Variants in PLB1 observed in about 807,000 individuals in gnomAD.
The protein encoded by PLB1 is phospholipase B1, membrane-associated.
A neutral mutation model predicts 227.4 loss-of-function variants in PLB1; 242 were observed. That is an observed-to-expected ratio of 1.06 (90% CI 0.96 to 1.18). The LOEUF is 1.18. PLB1 is among the 50% of genes most tolerant of loss of function. PLB1 has a pLI of 0.00. For synonymous variants in PLB1, 757 were observed against 682.2 expected, an observed-to-expected ratio of 1.11 and a Z score of -1.71; for missense variants, 1,858 against 1,816.3, an observed-to-expected ratio of 1.02 and a Z score of -0.42.
At chr2:28,578,265 C>A in intron 22 of PLB1, 107 bp downstream of exon 22, 2 of 1,022,950 alleles carry the variant, frequency 2.0e-6, no homozygotes, top group Non-Finnish European at 3.0e-6. Context: ...CTAGCAGACA[C>A]ATCTGAAGCC....
intron 56 of PLB1, among the ~76,000 whole-genome samples, chr2:28,639,752 G>A (rs936737970): frequency 6.6e-6 from 1 of 152,206 alleles, no homozygotes; most frequent in Non-Finnish European, 1.5e-5. Context: ...CGATAGACTT[G>A]AGTTTCCTCA....
chr2:28,529,671 A>T, intron 7 of PLB1, 57 bp from the exon 8 acceptor site: 1 of 1,542,532 alleles, frequency 6.5e-7, no homozygotes, highest in Non-Finnish European at 9.0e-7. Flanking sequence ...GCAAGCTTCC[A>T]GCCCTTAACA....
chr2:28,641,086 C>A, intron 57 of PLB1, 85 bp downstream of exon 57: 1 of 1,274,328 alleles, frequency 7.8e-7, no homozygotes, highest in South Asian at 1.4e-5. Context: ...GAGGAGTCCC[C>A]GGGGATGCTC....
At position 28,622,411 on chromosome 2, in the gene PLB1, G is replaced by A. The variant is rs532853258; in HGVS notation, c.3527+1433G>A. On this transcript the variant is annotated intron_variant, in intron 49 of 57. Transcript: ENST00000327757. ...AAGGATTAAATGAGATAAATAATCC[G>A]TGAAAAGAATGTAGTACCACACATA... Among the ~76,000 whole-genome samples, 31 of 152,286 alleles carry A rather than the reference G, an allele frequency of 2.0e-4. 1 individual carries two copies. The South Asian group carries it at 3.1e-3, about 15-fold the overall frequency.
chr2:28,584,644 C>A (rs912514782), intron 25 of PLB1, among the ~76,000 whole-genome samples: 3 of 152,200 alleles, frequency 2.0e-5, no homozygotes, highest in Non-Finnish European at 4.4e-5. Flanking sequence ...AGACTCAGGT[C>A]ACCTTCTCCT....
chr2:28,509,983 T>C (rs1668052447), intron 1 of PLB1, among the ~76,000 whole-genome samples: 2 of 152,176 alleles, frequency 1.3e-5, no homozygotes, highest in South Asian at 4.1e-4. Context: ...ACGCTTAACA[T>C]TTAGATCCCA....
At chr2:28,509,205 G>A (rs989332235) in intron 1 of PLB1, among the ~76,000 whole-genome samples, 1 of 152,172 alleles carries the variant, frequency 6.6e-6, no homozygotes, top group Non-Finnish European at 1.5e-5. Flanking sequence ...CGAACATCAA[G>A]GAAATCCATA....
At chr2:28,540,248 A>G (rs1310440575) in intron 11 of PLB1, 118 bp from the exon 12 acceptor site, 8 of 775,708 alleles carry the variant, frequency 1.0e-5, no homozygotes, top group Non-Finnish European at 1.8e-5. Flanking sequence ...ATGCTTCTTC[A>G]TCCCTACTCC....
intron 33 of PLB1, chr2:28,595,404 G>A (rs1682742580): frequency 6.6e-6 from 1 of 152,146 alleles, no homozygotes; most frequent in African/African-American, 2.4e-5. Context: ...ATAGACTACT[G>A]TGTCTCAAAG....
chr2:28,589,855 C>CGT (rs1681579140), intron 28 of PLB1, 85 bp downstream of exon 28: 6 of 1,413,566 alleles, frequency 4.2e-6, no homozygotes, highest in Non-Finnish European at 6.0e-6. Flanking sequence ...GGAGGCCCAT[C>CGT]GTGCAGGCCA....
rs1690225991 is a variant in PLB1 at position 28,643,985 on chromosome 2, C to T, written c.*924C>T. Among the ~76,000 whole-genome samples the T allele has an allele frequency of 6.6e-6, 1 of 152,152 alleles. No individual in the cohort carries two copies. Among genetic ancestry groups the T allele is most frequent in the African/African-American group, 2.4e-5 (1 of 41,438 alleles). On this transcript the variant is annotated 3_prime_UTR_variant, in exon 58 of 58. Coordinates refer to ENST00000327757, the MANE Select transcript of PLB1 (RefSeq NM_153021.5). Reference sequence around the variant, plus strand: ...GGTCTCTTTTATGCTGCACAAAAGCCCAGGGAGGGGGTAAAGGGAAAATCT... The same window carrying T: ...GGTCTCTTTTATGCTGCACAAAAGCTCAGGGAGGGGGTAAAGGGAAAATCT...
chr2:28,582,172 C>T, intron 24 of PLB1, 39 bp downstream of exon 24: 2 of 1,591,028 alleles, frequency 1.3e-6, no homozygotes, highest in Non-Finnish European at 8.6e-7. Context: ...TCTTAGACCT[C>T]AGACCTAGCC....
In PLB1 at chr2:28,604,668, A is replaced by C; in HGVS notation, c.2870A>C (p.Glu957Ala). ...FSRAYRSSMR[E>A]LVGSGRYDTQ... ...ATGTGTCCCCAGAGCAGCATGCGCG[A>C]GCTGGTGGGGTCAGGCCGCTATGAC... The change falls in exon 41 of 58, where the codon GAG becomes GCG. Residue 957 changes from glutamate (E) to alanine (A), a missense_variant. Glu to Ala is a moderately radical substitution (Grantham distance 107). Coordinates refer to ENST00000327757, the MANE Select transcript of PLB1 (RefSeq NM_153021.5). The C allele has an allele frequency of 1.2e-6, 2 of 1,613,956 alleles. No individual in the cohort carries two copies. Among genetic ancestry groups the C allele is most frequent in the Non-Finnish European group, 1.7e-6 (2 of 1,179,934 alleles).
chr2:28,630,468 C>G, intron 53 of PLB1, 118 bp from the exon 54 acceptor site: 1 of 759,490 alleles, frequency 1.3e-6, no homozygotes, highest in Non-Finnish European at 2.1e-6. Flanking sequence ...CTAGGTAAGG[C>G]AGCACAGGCT....
chr2:28,548,407 G>A (rs1319959257), intron 14 of PLB1: 1 of 326,120 alleles, frequency 3.1e-6, no homozygotes, highest in Admixed American at 3.6e-5. Context: ...GGGACAAGAA[G>A]CCAAGCTGGA....
rs1257329923 is a variant in PLB1 at position 28,525,293 on chromosome 2, G to A, written c.270G>A (p.Leu90=). The change falls in exon 5 of 58, where the codon CTG becomes CTA. Residue 90 remains leucine (L), a synonymous_variant. Transcript: ENST00000327757. ...EIPPDPGTGD[L]EKQDWTERPQ... ...CTCCAGACCCAGGGACGGGCGATCTGGAGAAGCAAGACTGGTAACTATCCT... is the reference window on the plus strand; with the variant it reads ...CTCCAGACCCAGGGACGGGCGATCTAGAGAAGCAAGACTGGTAACTATCCT... The A allele has an allele frequency of 1.9e-6, 3 of 1,613,580 alleles. No individual in the cohort carries two copies. Among genetic ancestry groups the A allele is most frequent in the Non-Finnish European group, 2.5e-6 (3 of 1,179,958 alleles).
chr2:28,538,229 T>C (rs543611323), intron 9 of PLB1, 90 bp from the exon 10 acceptor site: 1 of 1,526,596 alleles, frequency 6.6e-7, no homozygotes, highest in African/African-American at 1.4e-5. Context: ...TGGTCTTGCC[T>C]GGCAGGGATG....
chr2:28,585,297 A>G (rs1485829802), intron 25 of PLB1, among the ~76,000 whole-genome samples: 4 of 150,862 alleles, frequency 2.7e-5, no homozygotes, highest in Non-Finnish European at 5.9e-5. Flanking sequence ...TTCTTTTGAG[A>G]CAGAGTCTCG....
In PLB1 at chr2:28,582,095, G is replaced by A; in HGVS notation, c.1594G>A (p.Asp532Asn). 6.2e-7 allele frequency: 1 copy of A among 1,614,046 alleles called. No individual in the cohort carries two copies. The highest frequency in any genetic ancestry group is 8.5e-7 in the Non-Finnish European group (1 of 1,179,934). ...LVHYSPQNFT[D>N]NIGKALDILH... ...CCACTATTCTCCCCAGAACTTCACA[G>A]ACAACATTGGAAAGGCCCTGGACAT... Residue 532 changes from aspartate to asparagine, a missense_variant, in exon 24 of 58, where the codon GAC becomes AAC. By Grantham distance (23) the Asp-to-Asn change is conservative. Coordinates refer to ENST00000327757, the MANE Select transcript of PLB1 (RefSeq NM_153021.5).
Sources: allele counts gnomAD v4.1 joint callset (sites outside exome capture counted in the v4.1 genomes callset), GRCh38; gene constraint gnomAD v4.1.1; transcripts MANE v1.5; gene names NCBI Gene and HGNC (gene_info 2026-07-23, HGNC 2026-07-21).